The following PPFIA3 variants were observed in gnomAD, a reference collection of about 807,000 sequenced individuals.
PPFIA3 encodes PPFI scaffold protein A3, also known as liprin-alpha-3.
A neutral mutation model predicts 145.8 loss-of-function variants in PPFIA3; 26 were observed. The ratio of observed to expected loss-of-function variants is 0.18; its 90% CI spans 0.13 to 0.25. The LOEUF is 0.25. PPFIA3 is among the 10% of genes least tolerant of loss of function. PPFIA3 has a pLI of 1.00. For synonymous variants in PPFIA3, 645 were observed against 661.4 expected (o/e 0.98, Z 0.38); for missense variants, 1,008 against 1,587.8 (o/e 0.63, Z 6.21).
intron 7 of PPFIA3, 63 bp from the exon 8 acceptor site, chr19:49,132,938 G>A: frequency 1.9e-6 from 3 of 1,563,120 alleles, no homozygotes; most frequent in South Asian, 1.2e-5. Flanking sequence ...CAGGGAACAA[G>A]GGGGTTCCCC....
intron 25 of PPFIA3, 45 bp from the exon 26 acceptor site, chr19:49,148,948 C>G: frequency 6.2e-7 from 1 of 1,604,558 alleles, no homozygotes; most frequent in Non-Finnish European, 8.5e-7. Flanking sequence ...ACTGAACTCT[C>G]CAGGCCACGG....
Position 49,133,750 on chromosome 19 carries a change from C to CT in PPFIA3, c.1162-45dup. On this transcript the variant is annotated intron_variant, in intron 9 of 29. Coordinates refer to ENST00000334186, the MANE Select transcript of PPFIA3 (RefSeq NM_003660.4). The surrounding 1 kb of genome is among the most constrained non-coding windows in gnomAD (Gnocchi z 7.2). ...GGAGGAGGTGGGGCTGGGAGCCTGACTGATCCTGGAAGGGTAAGTCACACG... is the reference window on the plus strand; with the variant it reads ...GGAGGAGGTGGGGCTGGGAGCCTGACTTGATCCTGGAAGGGTAAGTCACACG... 6.3e-7 allele frequency: 1 copy of CT among 1,589,620 alleles called. No individual in the cohort carries two copies. Among genetic ancestry groups the CT allele is most frequent in the Non-Finnish European group, 8.6e-7 (1 of 1,161,630 alleles).
chr19:49,149,856 C>G lies in PPFIA3; in HGVS notation c.3526+138C>G, dbSNP rs961109137. On this transcript the variant is annotated intron_variant, in intron 28 of 29. Transcript: ENST00000334186. This position sits in a 1 kb window ranked among gnomAD's most constrained non-coding sequence, Gnocchi z 5.7. ...GAATGGACTGCTCCAACGTTCCGGA[C>G]TCCCCCGTCAGGATGAAATGGATAA... The G allele has an allele frequency of 2.8e-5, 34 of 1,215,892 alleles. No homozygotes were observed. Among genetic ancestry groups the G allele is most frequent in the Admixed American group, 5.3e-5 (2 of 38,016 alleles). The allele number at this position is 1,215,892 out of a possible 1,614,324, so 75.3% of individuals were successfully genotyped here.
rs540466837 is a variant in PPFIA3 at position 49,148,845 on chromosome 19, C to G, written c.3109+82C>G. ...GGGAGGAGAGGGGGTAGGGGGAGAC[C>G]GGAGAAGCAAATTGGCACCATAACC... On this transcript the variant is annotated intron_variant, in intron 25 of 29. Coordinates refer to ENST00000334186, the MANE Select transcript of PPFIA3 (RefSeq NM_003660.4). 42 of 1,531,554 alleles carry G rather than the reference C, an allele frequency of 2.7e-5. No individual in the cohort carries two copies. In the Admixed American group the frequency reaches 5.8e-4, roughly 21 times the overall value. The allele number at this position is 1,531,554 out of a possible 1,614,324, so 94.9% of individuals were successfully genotyped here.
At chr19:49,135,086 G>A (rs898400333) in intron 13 of PPFIA3, among the ~76,000 whole-genome samples, 171 bp downstream of exon 13, 2 of 152,024 alleles carry the variant, frequency 1.3e-5, no homozygotes, top group African/African-American at 4.8e-5. Context: ...CTGTCGCCCA[G>A]GCTGGAATGC....
intron 23 of PPFIA3, 106 bp downstream of exon 23, chr19:49,146,298 C>T: frequency 7.2e-7 from 1 of 1,383,130 alleles, no homozygotes; most frequent in Non-Finnish European, 9.9e-7. Context: ...ATGCCATCAT[C>T]CCCATGGGGG....
chr19:49,121,816 T>C (rs1365692189), intron 1 of PPFIA3, among the ~76,000 whole-genome samples: 1 of 152,042 alleles, frequency 6.6e-6, no homozygotes, highest in Non-Finnish European at 1.5e-5. Context: ...ATTTATTTTT[T>C]GTAGAGATGG....
rs371341860 is a variant in PPFIA3, at chr19:49,141,579, T to C, written c.2462+66T>C. ...ATGTGAGAGTGTGTGAGGGTGTGTG[T>C]GTGCGTGTATGTGTGTGTATGAGTG... On this transcript the variant is annotated intron_variant, in intron 19 of 29. Coordinates refer to ENST00000334186, the MANE Select transcript of PPFIA3 (RefSeq NM_003660.4). The C allele has an allele frequency of 1.5e-4, 165 of 1,081,454 alleles. 2 individuals carry two copies. In the African/African-American group the frequency reaches 2.9e-3, roughly 19 times the overall value. The allele number at this position is 1,081,454 out of a possible 1,614,324, so 67.0% of individuals were successfully genotyped here.
Position 49,130,336 on chromosome 19 carries a change from G to C in PPFIA3, c.658-42G>C. 6.6e-7 allele frequency: 1 copy of C among 1,516,652 alleles called. No individual in the cohort carries two copies. Among genetic ancestry groups the C allele is most frequent in the Non-Finnish European group, 8.9e-7 (1 of 1,118,246 alleles). The allele number at this position is 1,516,652 out of a possible 1,614,324, so 93.9% of individuals were successfully genotyped here. On this transcript the variant is annotated intron_variant, in intron 6 of 29. Transcript: ENST00000334186. The surrounding 1 kb of genome is among the most constrained non-coding windows in gnomAD (Gnocchi z 4.5). Reference sequence around the variant, plus strand: ...CTCCTTGGATTTCCTCTGTGTCTCCGGAGACACTCTGGGATCTTGTCCCCT... The same window carrying C: ...CTCCTTGGATTTCCTCTGTGTCTCCCGAGACACTCTGGGATCTTGTCCCCT...
Position 49,141,508 on chromosome 19 carries a change from G to C in PPFIA3, c.2457G>C (p.Lys819Asn). 6.2e-7 allele frequency: 1 copy of C among 1,613,372 alleles called. No individual in the cohort carries two copies. The highest frequency in any genetic ancestry group is 8.5e-7 in the Non-Finnish European group (1 of 1,179,390). ...CAGGAGACAAGGACCGAAGGAACAA[G>C]AGGAAGTGAGTGTGTGTGAGTGTGA... Reference protein sequence around the residue: ...TGPGDKDRRNKRKHELLEEAC... With the variant: ...TGPGDKDRRNNRKHELLEEAC... Residue 819 changes from lysine to asparagine, a missense_variant, in exon 19 of 30, where the codon AAG becomes AAC. By Grantham distance (94) the Lys-to-Asn change is moderately conservative. This residue lies in a region of PPFIA3 where 154 missense variants were observed against 369.2 expected (regional missense o/e 0.42). Transcript: ENST00000334186.
chr19:49,149,029 G>C lies in PPFIA3; in HGVS notation c.3146G>C (p.Trp1049Ser). ...MVWSNERVMG[W>S]VSGLGLKEFA... The stretch of plus-strand genomic sequence containing the variant: ...TGGTCCAATGAGCGGGTCATGGGTT[G>C]GGTGTCCGGGCTGGGCCTGAAGGAA... Residue 1049 changes from tryptophan (W) to serine (S), a missense_variant, in exon 26 of 30, where the codon TGG becomes TCG. Physicochemically the swap from Trp to Ser is radical, Grantham distance 177. Transcript: ENST00000334186. The surrounding 1 kb of genome is among the most constrained non-coding windows in gnomAD (Gnocchi z 5.7). 1 of 1,614,158 alleles carries C rather than the reference G, an allele frequency of 6.2e-7. No individual in the cohort carries two copies.
At chr19:49,136,228 C>T (rs747387715) in intron 14 of PPFIA3, among the ~76,000 whole-genome samples, 44 of 151,480 alleles carry the variant, frequency 2.9e-4, no homozygotes, top group Non-Finnish European at 4.3e-4. Context: ...GAATCAGGGG[C>T]GGGGGTGGAG....
chr19:49,138,277 C>T lies in PPFIA3; in HGVS notation c.1926C>T (p.Gly642=). ...EELESRVSSS[G]LDSLGRYRSS... ...TGGAGAGTCGGGTGTCCAGCTCTGGCTTGGACTCGTTGGGCCGCTACCGCA... is the reference window on the plus strand; with the variant it reads ...TGGAGAGTCGGGTGTCCAGCTCTGGTTTGGACTCGTTGGGCCGCTACCGCA... Residue 642 remains glycine, a synonymous_variant, in exon 16 of 30, where the codon GGC becomes GGT. Coordinates refer to ENST00000334186, the MANE Select transcript of PPFIA3 (RefSeq NM_003660.4). The T allele has an allele frequency of 6.2e-7, 1 of 1,613,650 alleles. No homozygotes were observed. The highest frequency in any genetic ancestry group is 8.5e-7 in the Non-Finnish European group (1 of 1,179,782).
In PPFIA3 at chr19:49,138,359, C is replaced by T; in HGVS notation, c.2008C>T (p.Pro670Ser). The stretch of plus-strand genomic sequence containing the variant: ...CTCTACCCTTGCCAGCCCCTCCCCT[C>T]CCAGCTCTGGCCACTCAACACCCCG... ...TTSTLASPSPPSSGHSTPRLA... is the reference protein window; with the variant it reads ...TTSTLASPSPSSSGHSTPRLA... Residue 670 changes from proline (P) to serine (S), a missense_variant, in exon 16 of 30, where the codon CCC becomes TCC. Pro to Ser is a moderately conservative substitution (Grantham distance 74). Around this residue, in one of 11 missense-constraint regions of PPFIA3, gnomAD observed 202 missense variants for 241.8 expected, o/e 0.84. Coordinates refer to ENST00000334186, the MANE Select transcript of PPFIA3 (RefSeq NM_003660.4). 1 of 1,607,848 alleles carries T rather than the reference C, an allele frequency of 6.2e-7. No individual in the cohort carries two copies. The highest frequency in any genetic ancestry group is 8.5e-7 in the Non-Finnish European group (1 of 1,177,184).
At chr19:49,143,881 A>C (rs2041252729) in intron 21 of PPFIA3, among the ~76,000 whole-genome samples, 1 of 152,160 alleles carries the variant, frequency 6.6e-6, no homozygotes, top group African/African-American at 2.4e-5. Context: ...TTTTTTTTGA[A>C]TATTTGCATA....
Position 49,133,383 on chromosome 19 carries a change from A to C in PPFIA3, c.1161+12A>C. On this transcript the variant is annotated intron_variant, in intron 9 of 29. Transcript: ENST00000334186. The surrounding 1 kb of genome is among the most constrained non-coding windows in gnomAD (Gnocchi z 7.2). ...CGGCGCTCAACAAGGTGCGGGGAGGACTCGGGTCGGGGCCTTGCGTGGGGA... is the reference window on the plus strand; with the variant it reads ...CGGCGCTCAACAAGGTGCGGGGAGGCCTCGGGTCGGGGCCTTGCGTGGGGA... The C allele has an allele frequency of 6.3e-7, 1 of 1,584,478 alleles. No homozygotes were observed.
In PPFIA3 at chr19:49,150,372, C is replaced by G. The variant is rs1568443544; in HGVS notation, c.*150C>G. 1 of 465,508 alleles carries G rather than the reference C, an allele frequency of 2.1e-6. No individual in the cohort carries two copies. Among genetic ancestry groups the G allele is most frequent in the Non-Finnish European group, 3.8e-6 (1 of 260,632 alleles). The allele number at this position is 465,508 out of a possible 1,614,324, so 28.8% of individuals were successfully genotyped here. Reference sequence around the variant, plus strand: ...CCATCTGTACAGACCAGCGGGAGTGCGCGCGCCCGCCTCGCACAGGGCCGG... The same window carrying G: ...CCATCTGTACAGACCAGCGGGAGTGGGCGCGCCCGCCTCGCACAGGGCCGG... On this transcript the variant is annotated 3_prime_UTR_variant, in exon 30 of 30. Coordinates refer to ENST00000334186, the MANE Select transcript of PPFIA3 (RefSeq NM_003660.4).
rs1362099223 is a variant in PPFIA3, at chr19:49,133,905, G to C, written c.1245+26G>C. The C allele has an allele frequency of 9.9e-6, 16 of 1,612,548 alleles. No individual in the cohort carries two copies. The highest frequency in any genetic ancestry group is 1.3e-5 in the Non-Finnish European group (15 of 1,179,792). On this transcript the variant is annotated intron_variant, in intron 10 of 29. Transcript: ENST00000334186. This position sits in a 1 kb window ranked among gnomAD's most constrained non-coding sequence, Gnocchi z 7.2. ...GTGAGGGGGCGGAAGACTGCACAGA[G>C]GGTGGGGCTTCGAGGCTGGGGCGGA...
chr19:49,127,786 G>A, intron 1 of PPFIA3, 73 bp from the exon 2 acceptor site: 1 of 1,537,418 alleles, frequency 6.5e-7, no homozygotes, highest in Admixed American at 2.1e-5. Flanking sequence ...CGTGGTATCC[G>A]AGTGGCTGTG....
Sources: allele counts gnomAD v4.1 joint callset (sites outside exome capture counted in the v4.1 genomes callset), GRCh38; gene constraint gnomAD v4.1.1; regional missense constraint gnomAD v4.1.1; non-coding constraint Gnocchi (gnomAD v3.1); transcripts MANE v1.5; gene names NCBI Gene and HGNC (gene_info 2026-07-23, HGNC 2026-07-21).